The following RANBP2 variants were observed in gnomAD, a reference collection of about 807,000 sequenced individuals.
RANBP2 encodes the protein E3 SUMO-protein ligase RanBP2.
A neutral mutation model predicts 303.6 loss-of-function variants in RANBP2; 57 were observed. The observed-to-expected ratio is 0.19, with a 90% CI of 0.15 to 0.23. RANBP2 has a LOEUF of 0.23. Among genes scored for constraint, RANBP2 ranks in the 10% least tolerant of loss-of-function variants. The probability of loss-of-function intolerance (pLI) is 1.00; values close to 1 mark genes in which losing one functional copy is unlikely to be tolerated. For synonymous variants in RANBP2, 1,167 were observed against 1,301.5 expected, an observed-to-expected ratio of 0.90 and a Z score of 2.23; for missense variants, 3,138 against 3,780.8, an observed-to-expected ratio of 0.83 and a Z score of 4.46.
chr2:109,585,365 G>A, the RANBP2 span: 3 of 1,450,844 alleles, frequency 2.1e-6, no homozygotes, highest in Middle Eastern at 1.8e-4. Context: ...ATGAATGGCT[G>A]AAAAGAAATA....
At chr2:109,133,739 T>G in the RANBP2 span, among the ~76,000 whole-genome samples, 1 of 151,994 alleles carries the variant, frequency 6.6e-6, no homozygotes, top group East Asian at 1.9e-4. Context: ...TTTTTTTTTT[T>G]TTGCACTCAA....
chr2:109,229,290 A>AC, the RANBP2 span, among the ~76,000 whole-genome samples: 2 of 152,144 alleles, frequency 1.3e-5, no homozygotes. Flanking sequence ...ATTCTGACAT[A>AC]CCCACACCCC....
the RANBP2 span, among the ~76,000 whole-genome samples, chr2:108,962,181 T>C: frequency 5.9e-5 from 9 of 152,348 alleles, no homozygotes; most frequent in Non-Finnish European, 1.3e-4. Flanking sequence ...GGTTCCCTGA[T>C]GGCAGATGGC....
chr2:108,877,511 G>T, the RANBP2 span, among the ~76,000 whole-genome samples: 2 of 151,862 alleles, frequency 1.3e-5, no homozygotes, highest in Non-Finnish European at 2.9e-5. Context: ...AGAAGCCAAA[G>T]TGCACATTAG....
the RANBP2 span, among the ~76,000 whole-genome samples, chr2:109,518,617 T>C: frequency 7.9e-5 from 12 of 152,360 alleles, no homozygotes; most frequent in South Asian, 2.5e-3. Context: ...AAAGCAAATA[T>C]GTGCATACTG....
chr2:108,982,524 T>C, the RANBP2 span, among the ~76,000 whole-genome samples: 2 of 152,238 alleles, frequency 1.3e-5, no homozygotes. Context: ...CATTTTGCAA[T>C]CTTCACAAAA....
chr2:109,594,596 T>TGAGACTGTC, the RANBP2 span: 3 of 152,358 alleles, frequency 2.0e-5, no homozygotes, highest in Non-Finnish European at 4.4e-5. Context: ...CGCTCTTCAT[T>TGAGACTGTC]GAGACTGTCC....
chr2:109,266,906 G>A, the RANBP2 span, among the ~76,000 whole-genome samples: 3 of 152,364 alleles, frequency 2.0e-5, no homozygotes, highest in Admixed American at 2.0e-4. Context: ...GCTGATGTAT[G>A]TCCCTGAGCA....
At chr2:109,339,123 G>C in the RANBP2 span, among the ~76,000 whole-genome samples, 1 of 152,152 alleles carries the variant, frequency 6.6e-6, no homozygotes, top group Non-Finnish European at 1.5e-5. Context: ...CAGGAGGAGG[G>C]GTTGGCTTTG....
the RANBP2 span, among the ~76,000 whole-genome samples, chr2:108,855,515 A>G: frequency 6.6e-5 from 10 of 152,100 alleles, no homozygotes; most frequent in African/African-American, 9.7e-5. Flanking sequence ...GTTTCTAAAT[A>G]AGGCAAGTCT....
At chr2:109,174,629 A>T in the RANBP2 span, among the ~76,000 whole-genome samples, 2 of 152,226 alleles carry the variant, frequency 1.3e-5, no homozygotes, top group African/African-American at 4.8e-5. Context: ...GCTATGTTTG[A>T]TAAGGAACAG....
At chr2:109,099,736 G>A in the RANBP2 span, among the ~76,000 whole-genome samples, 11 of 152,136 alleles carry the variant, frequency 7.2e-5, no homozygotes, top group African/African-American at 2.7e-4. Flanking sequence ...AGCGGAGCCA[G>A]GAGTCCACAT....
chr2:109,429,321 AAGT>A, the RANBP2 span, among the ~76,000 whole-genome samples: 1 of 152,168 alleles, frequency 6.6e-6, no homozygotes, highest in Non-Finnish European at 1.5e-5. Context: ...AGAGGAAAAA[AAGT>A]AGGCAGAGAA....
At chr2:108,746,687 G>T in intron 7 of RANBP2, 24 bp from the exon 8 acceptor site, 1 of 975,230 alleles carries the variant, frequency 1.0e-6, no homozygotes, top group Non-Finnish European at 1.5e-6. Context: ...ATCAAATTAA[G>T]ATTTTTGATT....
At chr2:108,870,801 A>G in the RANBP2 span, among the ~76,000 whole-genome samples, 191 of 152,304 alleles carry the variant, frequency 1.3e-3, no homozygotes, top group Admixed American at 6.3e-3. Flanking sequence ...GGTGATTGTC[A>G]GGTGTTGGGG....
At chr2:109,602,501 C>A in the RANBP2 span, among the ~76,000 whole-genome samples, 3 of 152,022 alleles carry the variant, frequency 2.0e-5, no homozygotes, top group African/African-American at 7.2e-5. Context: ...AATGGTGAAA[C>A]CCCATCTCTA....
chr2:109,075,760 A>C, the RANBP2 span, among the ~76,000 whole-genome samples: 278 of 150,678 alleles, frequency 1.8e-3, 7 homozygotes, highest in African/African-American at 6.6e-3. Flanking sequence ...GCAACCTACC[A>C]AGACTTAATC....
intron 22 of RANBP2, 31 bp downstream of exon 22, chr2:108,772,612 C>T (rs779892136): frequency 5.9e-5 from 92 of 1,570,144 alleles, no homozygotes; most frequent in Non-Finnish European, 7.6e-5. Flanking sequence ...ATTTATAATG[C>T]TTTTAACAAG....
chr2:109,095,180 G>C, the RANBP2 span, among the ~76,000 whole-genome samples: 2 of 34,404 alleles, frequency 5.8e-5, no homozygotes, highest in South Asian at 2.0e-3. Context: ...CGCTAGTTAT[G>C]CTGGAAAGAG....
Sources: allele counts gnomAD v4.1 joint callset (sites outside exome capture counted in the v4.1 genomes callset), GRCh38; gene constraint gnomAD v4.1.1; transcripts MANE v1.5; gene names NCBI Gene and HGNC (gene_info 2026-07-23, HGNC 2026-07-21).